PHC3: variants seen among roughly 807,000 people sequenced by gnomAD.
The protein encoded by PHC3 is polyhomeotic homolog 3.
Under a neutral mutation model 107.4 loss-of-function variants are expected in PHC3, and 13 were observed. The ratio of observed to expected loss-of-function variants is 0.12; its 90% CI spans 0.08 to 0.19. PHC3 has a LOEUF of 0.19. Ranked by LOEUF, PHC3 falls within the 10% of genes least tolerant of loss-of-function variation. The pLI is 1.00. For missense variants in PHC3, 992 were observed against 1,210.9 expected (o/e 0.82, Z 2.68); for synonymous variants, 456 against 427.4 (o/e 1.07, Z -0.83).
intron 4 of PHC3, among the ~76,000 whole-genome samples, chr3:170,157,643 T>C (rs1422795345): frequency 2.6e-5 from 4 of 152,170 alleles, no homozygotes; most frequent in Non-Finnish European, 5.9e-5. Context: ...ACACTAGCAG[T>C]AGAACACTGA....
chr3:170,129,901 C>T (rs139738376), intron 7 of PHC3, among the ~76,000 whole-genome samples: 1,863 of 152,220 alleles, frequency 0.012, 40 homozygotes, highest in African/African-American at 0.043. Flanking sequence ...GGTTTCACCA[C>T]GTTGGCCAGG....
At position 170,177,556 on chromosome 3, in the gene PHC3, G is replaced by A. The variant is rs528800549; in HGVS notation, c.180+1217C>T. ...TAATTTTTGTATTCTTAGTAGAGAC[G>A]GGGTTTCACCATGTTGATCAGGCTG... On this transcript the variant is annotated intron_variant, in intron 2 of 14. Transcript: ENST00000495893. Among the ~76,000 whole-genome samples the A allele has an allele frequency of 9.2e-5, 14 of 152,154 alleles. No homozygotes were observed. In the East Asian group the frequency reaches 1.9e-3, roughly 21 times the overall value.
intron 4 of PHC3, among the ~76,000 whole-genome samples, chr3:170,169,111 GAATAATC>G (rs1729195415): frequency 6.6e-6 from 1 of 152,052 alleles, no homozygotes; most frequent in South Asian, 2.1e-4. Flanking sequence ...TTCATATTAG[GAATAATC>G]AATCAGTAGG....
chr3:170,138,981 T>C (rs1029371466), intron 6 of PHC3, among the ~76,000 whole-genome samples: 2 of 150,356 alleles, frequency 1.3e-5, no homozygotes, highest in Non-Finnish European at 3.0e-5. Flanking sequence ...CCCAGTAAAA[T>C]CCCTCTTTCC....
At chr3:170,176,293 A>G (rs1730469431) in intron 2 of PHC3, among the ~76,000 whole-genome samples, 1 of 152,178 alleles carries the variant, frequency 6.6e-6, no homozygotes, top group Admixed American at 6.5e-5. Flanking sequence ...AAAGGTAAAA[A>G]ACATTAAAAC....
intron 9 of PHC3, among the ~76,000 whole-genome samples, chr3:170,119,437 A>G (rs1243761864): frequency 6.6e-6 from 1 of 152,210 alleles, no homozygotes; most frequent in Non-Finnish European, 1.5e-5. Context: ...GATCATGTGC[A>G]TAAATGTGCC....
chr3:170,093,396 C>T lies in PHC3; in HGVS notation c.*3834G>A, dbSNP rs1714308264. 1.3e-5 allele frequency: 2 copies of T among 152,178 alleles called. No homozygotes were observed. Among genetic ancestry groups the T allele is most frequent in the Non-Finnish European group, 2.9e-5 (2 of 68,030 alleles). 9.4% of individuals were successfully genotyped at this position (152,178 alleles called of 1,614,324 possible). On this transcript the variant is annotated 3_prime_UTR_variant, in exon 15 of 15. Coordinates refer to ENST00000495893, the MANE Select transcript of PHC3 (RefSeq NM_024947.4). ...AGGCTGCATGTGTTCCTGCAATCCA[C>T]CAAGGTGAAAACCACAAACTATAAC...
chr3:170,120,358 G>T (rs1193253818), intron 9 of PHC3, among the ~76,000 whole-genome samples: 1 of 152,022 alleles, frequency 6.6e-6, no homozygotes, highest in African/African-American at 2.4e-5. Context: ...GGCCGAAGTG[G>T]GTGGATCACC....
At chr3:170,125,121 TG>T (rs2108437693) in intron 8 of PHC3, among the ~76,000 whole-genome samples, 1 of 152,274 alleles carries the variant, frequency 6.6e-6, no homozygotes, top group Non-Finnish European at 1.5e-5. Context: ...ACCCTGCACC[TG>T]GAAACCAGTT....
At chr3:170,144,159 A>C (rs550613080) in intron 6 of PHC3, among the ~76,000 whole-genome samples, 1,151 of 99,970 alleles carry the variant, frequency 0.012, 18 homozygotes, top group African/African-American at 0.042. Context: ...GTTTCTACTT[A>C]AAAAAAAAAA....
At chr3:170,176,778 T>C (rs1730551476) in intron 2 of PHC3, 1 of 317,828 alleles carries the variant, frequency 3.1e-6, no homozygotes, top group Non-Finnish European at 6.4e-6. Context: ...AAACCTATAA[T>C]GTGCCTTACA....
intron 6 of PHC3, among the ~76,000 whole-genome samples, chr3:170,138,793 A>G (rs1723574761): frequency 6.6e-6 from 1 of 152,082 alleles, no homozygotes; most frequent in African/African-American, 2.4e-5. Flanking sequence ...ACCCACTTCA[A>G]GCCCCCAGTT....
intron 12 of PHC3, among the ~76,000 whole-genome samples, chr3:170,103,527 ATTTTC>A (rs1290016183): frequency 1.3e-5 from 2 of 152,164 alleles, no homozygotes; most frequent in Non-Finnish European, 1.5e-5. Flanking sequence ...TTAATGAAAG[ATTTTC>A]TTTTATCACA....
chr3:170,178,757 A>G lies in PHC3; in HGVS notation c.180+16T>C, dbSNP rs749931564. On this transcript the variant is annotated intron_variant, in intron 2 of 14. Transcript: ENST00000495893. ...CATCTTAAGTCTTAGACTACCCATCACTACAGCTGAAATACCTGTACAGCA... is the reference window on the plus strand; with the variant it reads ...CATCTTAAGTCTTAGACTACCCATCGCTACAGCTGAAATACCTGTACAGCA... 2 of 1,612,896 alleles carry G rather than the reference A, an allele frequency of 1.2e-6. No individual in the cohort carries two copies. Among genetic ancestry groups the G allele is most frequent in the Admixed American group, 1.7e-5 (1 of 60,022 alleles).
intron 11 of PHC3, among the ~76,000 whole-genome samples, chr3:170,113,073 T>G (rs1028154285): frequency 6.6e-6 from 1 of 152,206 alleles, no homozygotes; most frequent in South Asian, 2.1e-4. Context: ...GTTTTGATAC[T>G]AAAATTCTGA....
rs761455098 is a variant in PHC3, at chr3:170,150,732, G to GA, written c.415-1489dup. ...CATCTAAAAAGAGAAAAGAAAAAAA[G>GA]AAAAAAACCCAATAAACTAGTGCAT... On this transcript the variant is annotated intron_variant, in intron 4 of 14. Transcript: ENST00000495893. 102 of 423,228 alleles carry GA rather than the reference G, an allele frequency of 2.4e-4. No individual in the cohort carries two copies. The Middle Eastern group carries it at 6.1e-3, about 25-fold the overall frequency. The allele number at this position is 423,228 out of a possible 1,614,324, so 26.2% of individuals were successfully genotyped here.
rs1193491317 is a variant in PHC3, at chr3:170,094,370, G to A, written c.*2860C>T. On this transcript the variant is annotated 3_prime_UTR_variant, in exon 15 of 15. Coordinates refer to ENST00000495893, the MANE Select transcript of PHC3 (RefSeq NM_024947.4). Reference sequence around the variant, plus strand: ...CAAACTTATGCTTTTTATCCCAATGGGACAAAGAGTGCAACACTGCAAGGA... The same window carrying A: ...CAAACTTATGCTTTTTATCCCAATGAGACAAAGAGTGCAACACTGCAAGGA... 1 of 152,136 alleles carries A rather than the reference G, an allele frequency of 6.6e-6. No homozygotes were observed. The highest frequency in any genetic ancestry group is 1.9e-4 in the East Asian group (1 of 5,198). The allele number at this position is 152,136 out of a possible 1,614,324, so 9.4% of individuals were successfully genotyped here.
intron 8 of PHC3, among the ~76,000 whole-genome samples, chr3:170,124,030 AG>A (rs1228650100): frequency 6.6e-6 from 1 of 151,692 alleles, no homozygotes; most frequent in Non-Finnish European, 1.5e-5. Flanking sequence ...TGTACTTTTT[AG>A]TAGAGACAGG....
At chr3:170,168,968 G>A (rs59628839) in intron 4 of PHC3, among the ~76,000 whole-genome samples, 2 of 145,300 alleles carry the variant, frequency 1.4e-5, no homozygotes, top group Admixed American at 1.4e-4. Context: ...TTTTTTTTCA[G>A]ATTTTGGAAA....
Sources: allele counts gnomAD v4.1 joint callset (sites outside exome capture counted in the v4.1 genomes callset), GRCh38; gene constraint gnomAD v4.1.1; transcripts MANE v1.5; gene names NCBI Gene and HGNC (gene_info 2026-07-23, HGNC 2026-07-21).